Variants in MPPED2 observed in about 807,000 individuals in gnomAD.
MPPED2 encodes metallophosphoesterase MPPED2.
MPPED2 carries 5 observed loss-of-function variants against 33.0 expected under a neutral mutation model. The observed-to-expected ratio is 0.15, with a 90% confidence interval of 0.08 to 0.32. MPPED2 has a LOEUF of 0.32. Among genes scored for constraint, MPPED2 ranks in the 10% least tolerant of loss-of-function variants. MPPED2 has a pLI of 1.00. For missense variants in MPPED2, 275 were observed against 372.1 expected, an observed-to-expected ratio of 0.74 and a Z score of 2.15; for synonymous variants, 136 against 141.9, an observed-to-expected ratio of 0.96 and a Z score of 0.29.
At chr11:30,497,380 A>C (rs558373289) in intron 3 of MPPED2, among the ~76,000 whole-genome samples, 2 of 152,270 alleles carry the variant, frequency 1.3e-5, no homozygotes, top group Middle Eastern at 6.8e-3. Context: ...TCCCCGCCCC[A>C]ATTCACCTGT....
intron 2 of MPPED2, among the ~76,000 whole-genome samples, chr11:30,550,699 C>T (rs566325555): frequency 3.3e-5 from 5 of 152,274 alleles, no homozygotes; most frequent in Admixed American, 2.0e-4. Context: ...GGACACTTTA[C>T]TAACCAGAAA....
intron 2 of MPPED2, among the ~76,000 whole-genome samples, chr11:30,575,620 G>A (rs61884753): frequency 0.013 from 2,044 of 152,240 alleles, 24 homozygotes; most frequent in South Asian, 0.038. Context: ...TACAGATAGC[G>A]CTTGATGTTT....
intron 2 of MPPED2, among the ~76,000 whole-genome samples, chr11:30,561,089 T>C (rs1323945554): frequency 6.6e-6 from 1 of 152,212 alleles, no homozygotes; most frequent in Non-Finnish European, 1.5e-5. Context: ...AGGAGTGTTC[T>C]GCAAGCATTT....
chr11:30,490,959 G>T (rs1951954355), intron 4 of MPPED2, among the ~76,000 whole-genome samples: 1 of 152,074 alleles, frequency 6.6e-6, no homozygotes, highest in Non-Finnish European at 1.5e-5. Flanking sequence ...TTCTTATTTT[G>T]ATTTCTATTT....
chr11:30,459,928 G>T (rs1276156440), intron 4 of MPPED2, among the ~76,000 whole-genome samples: 1 of 152,172 alleles, frequency 6.6e-6, no homozygotes, highest in African/African-American at 2.4e-5. Context: ...GAACTATCTG[G>T]AGGCAAACAG....
At chr11:30,522,115 T>C (rs763288112) in intron 3 of MPPED2, among the ~76,000 whole-genome samples, 11 of 152,140 alleles carry the variant, frequency 7.2e-5, no homozygotes, top group Non-Finnish European at 1.5e-4. Context: ...TTGATTTGGT[T>C]TGAGTTTTAA....
chr11:30,388,961 AG>A lies in MPPED2; in HGVS notation c.767-6del, dbSNP rs1230955547. The A allele has an allele frequency of 2.6e-6, 4 of 1,557,836 alleles. No homozygotes were observed. The East Asian group carries it at 9.5e-5, about 37-fold the overall frequency. Reference sequence around the variant, plus strand: ...TGGAGATGCTCACAGGGTTTACTAAAGGGGAGAGAGAGAAAGAGAGAGGGAG... The same window carrying A: ...TGGAGATGCTCACAGGGTTTACTAAAGGGAGAGAGAGAAAGAGAGAGGGAG... On this transcript the variant is annotated splice_region_variant and splice_polypyrimidine_tract_variant and intron_variant, in intron 6 of 6. Coordinates refer to the MPPED2 transcript ENST00000448418.
intron 2 of MPPED2, among the ~76,000 whole-genome samples, chr11:30,545,155 T>C (rs754810404): frequency 1.3e-5 from 2 of 152,090 alleles, no homozygotes; most frequent in Non-Finnish European, 2.9e-5. Flanking sequence ...TCTTTCTCCC[T>C]CTACCCAGTA....
intron 2 of MPPED2, among the ~76,000 whole-genome samples, chr11:30,538,728 G>A (rs1014484658): frequency 9.2e-5 from 14 of 151,502 alleles, no homozygotes; most frequent in African/African-American, 1.7e-4. Flanking sequence ...AAGAAGGCTC[G>A]CACATCTACA....
At chr11:30,561,050 A>G (rs555058738) in intron 2 of MPPED2, among the ~76,000 whole-genome samples, 1 of 152,162 alleles carries the variant, frequency 6.6e-6, no homozygotes, top group Non-Finnish European at 1.5e-5. Context: ...AACATGTCCA[A>G]TGTTTTATTT....
intron 6 of MPPED2, among the ~76,000 whole-genome samples, chr11:30,403,246 C>CAAAAAAAAAAAA (rs757620790): frequency 9.3e-6 from 1 of 107,698 alleles, no homozygotes; most frequent in Admixed American, 9.4e-5. Flanking sequence ...GACTCCGTCT[C>CAAAAAAAAAAAA]AAAAAAAAAA....
chr11:30,579,830 A>G (rs947646776), intron 2 of MPPED2, among the ~76,000 whole-genome samples: 14 of 38,882 alleles, frequency 3.6e-4, no homozygotes, highest in South Asian at 9.7e-4. Context: ...AGGTGTGGGA[A>G]AAAAAAAAAA....
rs527366543 is a variant in MPPED2, at chr11:30,427,745, A to G, written c.537-10112T>C. 2.6e-5 allele frequency among the ~76,000 whole-genome samples: 4 copies of G among 152,366 alleles called. No individual in the cohort carries two copies. In the East Asian group the frequency reaches 7.7e-4, roughly 29 times the overall value. On this transcript the variant is annotated intron_variant, in intron 4 of 6. Coordinates refer to ENST00000358117, the MANE Select transcript of MPPED2 (RefSeq NM_001584.3). ...TTTGAAGAAAAAGAAACAGACGGAC[A>G]TGCCTAATGGTTAGGTTATCTCTGG...
intron 4 of MPPED2, among the ~76,000 whole-genome samples, chr11:30,483,157 C>T (rs987565955): frequency 6.6e-6 from 1 of 152,172 alleles, no homozygotes; most frequent in Non-Finnish European, 1.5e-5. Context: ...CAGCATTGTA[C>T]ACACACATTT....
chr11:30,457,717 C>T lies in MPPED2; in HGVS notation c.536+37579G>A, dbSNP rs992340564. On this transcript the variant is annotated intron_variant, in intron 4 of 6. Transcript: ENST00000358117. ...CCCAAACCAGGATTTGAACATAGTT[C>T]GGAGTGCAAAGGTCATGCCCTTTCA... is the stretch of plus-strand genomic sequence containing the variant. Among the ~76,000 whole-genome samples, 7 of 152,126 alleles carry T rather than the reference C, an allele frequency of 4.6e-5. No homozygotes were observed. In the South Asian group the frequency reaches 1.2e-3, roughly 27 times the overall value.
At chr11:30,443,663 G>A (rs1949680720) in intron 4 of MPPED2, among the ~76,000 whole-genome samples, 1 of 152,118 alleles carries the variant, frequency 6.6e-6, no homozygotes, top group Non-Finnish European at 1.5e-5. Flanking sequence ...ATGAACTCAG[G>A]GAATGAGAAA....
chr11:30,524,148 G>A (rs1405352465), intron 3 of MPPED2, among the ~76,000 whole-genome samples: 3 of 152,148 alleles, frequency 2.0e-5, no homozygotes, highest in Admixed American at 2.0e-4. Context: ...TACTCAGTGG[G>A]AGGCTGAGGC....
chr11:30,445,389 T>G (rs1238423639), intron 4 of MPPED2, among the ~76,000 whole-genome samples: 2 of 152,252 alleles, frequency 1.3e-5, no homozygotes, highest in East Asian at 3.8e-4. Context: ...ATTGTTAGAC[T>G]GGTATTCAAG....
At chr11:30,581,783 CCTT>C (rs1164818746) in intron 1 of MPPED2, among the ~76,000 whole-genome samples, 2 of 152,136 alleles carry the variant, frequency 1.3e-5, no homozygotes, top group Non-Finnish European at 2.9e-5. Context: ...CAAATCATTG[CCTT>C]CTTCATATTA....
Sources: allele counts gnomAD v4.1 joint callset (sites outside exome capture counted in the v4.1 genomes callset), GRCh38; gene constraint gnomAD v4.1.1; transcripts MANE v1.5; gene names NCBI Gene and HGNC (gene_info 2026-07-23, HGNC 2026-07-21).